ZNF813: variants seen among roughly 807,000 people sequenced by gnomAD.
ZNF813 encodes the protein zinc finger protein 813.
Under a neutral mutation model 7.2 loss-of-function variants are expected in ZNF813, and 3 were observed. That is an observed-to-expected ratio of 0.42 (90% confidence interval 0.19 to 1.08). The LOEUF (loss-of-function observed/expected upper bound fraction) is 1.08. Among genes scored for constraint, ZNF813 ranks in the 50% least tolerant of loss-of-function variants. The pLI, the probability that ZNF813 is intolerant of heterozygous loss-of-function variation, is 0.30. For missense variants in ZNF813, 714 were observed against 753.3 expected (o/e 0.95, Z 0.61); for synonymous variants, 227 against 256.3 (o/e 0.89, Z 1.09).
chr19:53,471,187 C>G (rs559830034), intron 1 of ZNF813, among the ~76,000 whole-genome samples: 9 of 152,036 alleles, frequency 5.9e-5, no homozygotes, highest in South Asian at 2.1e-4. Context: ...TGAGAAGAAA[C>G]ATGGTCTAAT....
At chr19:53,490,089 A>G (rs2147163076) in intron 3 of ZNF813, among the ~76,000 whole-genome samples, 1 of 152,256 alleles carries the variant, frequency 6.6e-6, no homozygotes, top group Non-Finnish European at 1.5e-5. Flanking sequence ...AAACTGTTAG[A>G]CACTTTACGG....
chr19:53,495,150 G>T lies in ZNF813; in HGVS notation c.*3064G>T, dbSNP rs977817566. ...TTTGTAAATGGATAACTTAGTTTGA[G>T]TTGGGACAAGACAATGTTGAAGGTG... On this transcript the variant is annotated 3_prime_UTR_variant, in exon 4 of 4. Coordinates refer to ENST00000396403, the MANE Select transcript of ZNF813 (RefSeq NM_001004301.4). The T allele has an allele frequency of 6.6e-6, 1 of 152,198 alleles. No individual in the cohort carries two copies. Among genetic ancestry groups the T allele is most frequent in the Non-Finnish European group, 1.5e-5 (1 of 68,040 alleles). The allele number at this position is 152,198 out of a possible 1,614,324, so 9.4% of individuals were successfully genotyped here.
rs2086471129 is a variant in ZNF813 at position 53,493,022 on chromosome 19, C to T, written c.*936C>T. The T allele has an allele frequency of 2.4e-6, 1 of 418,300 alleles. No homozygotes were observed. Among genetic ancestry groups the T allele is most frequent in the Non-Finnish European group, 4.8e-6 (1 of 209,032 alleles). The allele number at this position is 418,300 out of a possible 1,614,324, so 25.9% of individuals were successfully genotyped here. A position where few individuals can be genotyped will look rare whatever the true frequency, so the allele number is the denominator to read the frequency against. On this transcript the variant is annotated 3_prime_UTR_variant, in exon 4 of 4. Transcript: ENST00000396403. ...ACTCCTTGCAGAATATCAGAAAATT[C>T]ATTTTGAGATAATTGTTCCAAATGC... is the stretch of plus-strand genomic sequence containing the variant.
chr19:53,468,030 T>G (rs915691445), intron 1 of ZNF813, among the ~76,000 whole-genome samples: 7 of 152,184 alleles, frequency 4.6e-5, no homozygotes, highest in African/African-American at 1.4e-4. Flanking sequence ...CTATCGCGCA[T>G]TTTTCCTGCT....
At position 53,492,113 on chromosome 19, in the gene ZNF813, A is replaced by C. The variant is rs768327175; in HGVS notation, c.*27A>C. On this transcript the variant is annotated 3_prime_UTR_variant, in exon 4 of 4. Coordinates refer to ENST00000396403, the MANE Select transcript of ZNF813 (RefSeq NM_001004301.4). ...AAGCAAAGCTTGCACATCATCATAC[A>C]ATTCATACTGGAAAGAAACAAGTGC... 8.8e-6 allele frequency: 14 copies of C among 1,593,912 alleles called. No homozygotes were observed. The highest frequency in any genetic ancestry group is 1.1e-5 in the Non-Finnish European group (13 of 1,169,880).
chr19:53,476,952 G>A (rs184679842), intron 1 of ZNF813, among the ~76,000 whole-genome samples: 3 of 152,214 alleles, frequency 2.0e-5, no homozygotes, highest in Non-Finnish European at 2.9e-5. Flanking sequence ...ATAAGCCACC[G>A]CGCCTGGCTG....
chr19:53,480,210 C>T, intron 1 of ZNF813: 2 of 756,258 alleles, frequency 2.6e-6, no homozygotes, highest in Non-Finnish European at 4.9e-6. Flanking sequence ...GCTGCTTTCT[C>T]CTCTCACCAC....
chr19:53,496,210 A>G lies in ZNF813; in HGVS notation c.*4124A>G, dbSNP rs2086487090. On this transcript the variant is annotated 3_prime_UTR_variant, in exon 4 of 4. Transcript: ENST00000396403. ...GTCAGTTGGGTGGGTTCAGTAATAAATATGTGAGACTTTTCATTTCAAAAT... is the reference window on the plus strand; with the variant it reads ...GTCAGTTGGGTGGGTTCAGTAATAAGTATGTGAGACTTTTCATTTCAAAAT... The G allele has an allele frequency of 6.4e-6, 1 of 157,276 alleles. No homozygotes were observed. Among genetic ancestry groups the G allele is most frequent in the African/African-American group, 2.4e-5 (1 of 41,590 alleles). The allele number at this position is 157,276 out of a possible 1,614,324, so 9.7% of individuals were successfully genotyped here.
chr19:53,477,789 C>T (rs1231801548), intron 1 of ZNF813, among the ~76,000 whole-genome samples: 1 of 152,170 alleles, frequency 6.6e-6, no homozygotes. Context: ...CCACTGCCCT[C>T]CAGCCTGGTC....
intron 1 of ZNF813, among the ~76,000 whole-genome samples, chr19:53,473,272 G>A (rs2086367954): frequency 1.3e-5 from 2 of 152,096 alleles, no homozygotes; most frequent in Non-Finnish European, 2.9e-5. Flanking sequence ...GTCAGCTTCT[G>A]GTGTGTGACT....
chr19:53,486,855 G>A (rs1747260951), intron 3 of ZNF813, 97 bp downstream of exon 3: 9 of 1,584,012 alleles, frequency 5.7e-6, no homozygotes, highest in Middle Eastern at 1.7e-4. Context: ...GTCACCCAGG[G>A]TGGAGTGAAA....
chr19:53,481,540 G>A (rs1239110440), intron 1 of ZNF813, among the ~76,000 whole-genome samples: 1 of 151,604 alleles, frequency 6.6e-6, no homozygotes, highest in African/African-American at 2.4e-5. Context: ...GTAGAGATGG[G>A]GTTTCATCAT....
At chr19:53,489,608 T>TA (rs2086449692) in intron 3 of ZNF813, among the ~76,000 whole-genome samples, 1 of 151,890 alleles carries the variant, frequency 6.6e-6, no homozygotes, top group Admixed American at 6.6e-5. Flanking sequence ...ATCTCGAAAA[T>TA]AAAAAAATAC....
At position 53,491,385 on chromosome 19, in the gene ZNF813, T is replaced by G; in HGVS notation, c.1153T>G (p.Cys385Gly). 6.2e-7 allele frequency: 1 copy of G among 1,613,320 alleles called. No individual in the cohort carries two copies. The highest frequency in any genetic ancestry group is 8.5e-7 in the Non-Finnish European group (1 of 1,179,428). Residue 385 changes from cysteine to glycine, a missense_variant, in exon 4 of 4, where the codon TGT (cysteine) becomes GGT (glycine). By Grantham distance (159) the Cys-to-Gly change is radical. This residue lies in a region of ZNF813 where 563 missense variants were observed against 554.2 expected (regional missense o/e 1.02). Transcript: ENST00000396403. ...RLHTGEKPYKCNECGKTFSQE... is the reference protein window; with the variant it reads ...RLHTGEKPYKGNECGKTFSQE... The stretch of plus-strand genomic sequence containing the variant: ...TCATACGGGAGAGAAACCTTATAAG[T>G]GTAATGAATGTGGCAAGACCTTCAG...
chr19:53,490,647 C>G lies in ZNF813; in HGVS notation c.415C>G (p.Gln139Glu). Residue 139 changes from glutamine (Q) to glutamate (E), a missense_variant, in exon 4 of 4, where the codon CAG (glutamine) becomes GAG (glutamate). By Grantham distance (29) the Gln-to-Glu change is conservative (BLOSUM62 2). Around this residue, in one of 3 missense-constraint regions of ZNF813, gnomAD observed 563 missense variants for 554.2 expected, o/e 1.02. Coordinates refer to ENST00000396403, the MANE Select transcript of ZNF813 (RefSeq NM_001004301.4). Reference protein sequence around the residue: ...RHAGNKPIKDQLGSSFHSHLP... With the variant: ...RHAGNKPIKDELGSSFHSHLP... Reference sequence around the variant, plus strand: ...TGCTGGAAACAAGCCTATTAAAGATCAGCTTGGATCAAGCTTTCATTCGCA... The same window carrying G: ...TGCTGGAAACAAGCCTATTAAAGATGAGCTTGGATCAAGCTTTCATTCGCA... The G allele has an allele frequency of 6.2e-7, 1 of 1,614,184 alleles. No individual in the cohort carries two copies. The highest frequency in any genetic ancestry group is 1.6e-4 in the Middle Eastern group (1 of 6,062).
At chr19:53,474,868 G>A (rs566015108) in intron 1 of ZNF813, among the ~76,000 whole-genome samples, 1 of 152,142 alleles carries the variant, frequency 6.6e-6, no homozygotes, top group Admixed American at 6.5e-5. Flanking sequence ...GGCAAACCAG[G>A]ATCTTTGATT....
chr19:53,491,689 C>G lies in ZNF813; in HGVS notation c.1457C>G (p.Thr486Arg), dbSNP rs199779555. 6.2e-7 allele frequency: 1 copy of G among 1,611,472 alleles called. No homozygotes were observed. The highest frequency in any genetic ancestry group is 1.7e-5 in the Admixed American group (1 of 59,720). Residue 486 changes from threonine (T) to arginine (R), a missense_variant, in exon 4 of 4, where the codon ACG becomes AGG. This residue lies in a region of ZNF813 where 563 missense variants were observed against 554.2 expected (regional missense o/e 1.02). Transcript: ENST00000396403. ...CGAATTTCAGCCCTCGTAATTCATA[C>G]GGCAATTCATACTGGAGAGAAACCT... ...FSRISALVIH[T>R]AIHTGEKPYK...
At chr19:53,484,685 C>T (rs2086424369) in intron 2 of ZNF813, among the ~76,000 whole-genome samples, 1 of 152,182 alleles carries the variant, frequency 6.6e-6, no homozygotes, top group Admixed American at 6.5e-5. Flanking sequence ...CTGCCTCAGC[C>T]TCCCAAGTAG....
intron 3 of ZNF813, among the ~76,000 whole-genome samples, chr19:53,487,654 C>T (rs1423861755): frequency 1.2e-4 from 18 of 152,080 alleles, no homozygotes; most frequent in East Asian, 1.9e-4. Context: ...AAAAATTAGC[C>T]GGACACTGTG....
Sources: gnomAD v4.1 joint callset for allele counts (sites outside exome capture counted in the v4.1 genomes callset) on GRCh38, gnomAD v4.1.1 for gene constraint, gnomAD v4.1.1 regional missense constraint, MANE v1.5 for transcripts, NCBI Gene and HGNC (gene_info 2026-07-23, HGNC 2026-07-21) for gene names.